The following DACH1 variants were observed in gnomAD, a reference collection of about 807,000 sequenced individuals.
DACH1 encodes the protein dachshund homolog 1.
Under a neutral mutation model 54.2 loss-of-function variants are expected in DACH1, and 12 were observed. That is an observed-to-expected ratio of 0.22 (90% confidence interval 0.14 to 0.36). The LOEUF is 0.36. DACH1 is among the 10% of genes least tolerant of loss of function. DACH1 has a pLI of 1.00. For missense variants in DACH1, 805 were observed against 929.8 expected (o/e 0.87, Z 1.75); for synonymous variants, 386 against 366.2 (o/e 1.05, Z -0.62).
chr13:71,445,936 T>C (rs1745282773), intron 10 of DACH1, among the ~76,000 whole-genome samples: 1 of 152,146 alleles, frequency 6.6e-6, no homozygotes, highest in Non-Finnish European at 1.5e-5. Context: ...GGATATATGG[T>C]CCTATAATTC....
Position 71,651,378 on chromosome 13 carries a change from AAAAG to A in DACH1, c.965-20665_965-20662del, listed in dbSNP as rs750027960. 4.8e-3 allele frequency among the ~76,000 whole-genome samples: 727 copies of A among 152,004 alleles called. 4 individuals carry two copies. Among genetic ancestry groups the A allele is most frequent in the Non-Finnish European group, 7.9e-3 (540 of 67,966 alleles). On this transcript the variant is annotated intron_variant, in intron 2 of 10. Coordinates refer to ENST00000613252, the MANE Select transcript of DACH1 (RefSeq NM_080759.6). Reference sequence around the variant, plus strand: ...GTGAGACCCTGTCTCACAAAAAAAAAAAAGAAAGAAAGAAAGAAAAGAAAAGAGA... The same window carrying A: ...GTGAGACCCTGTCTCACAAAAAAAAAAAAGAAAGAAAGAAAAGAAAAGAGA...
At chr13:71,844,187 G>A (rs10492536) in intron 1 of DACH1, among the ~76,000 whole-genome samples, 9,637 of 152,184 alleles carry the variant, frequency 0.063, 339 homozygotes, top group East Asian at 0.11. Flanking sequence ...AGTGATTCTG[G>A]TATGCTTAAA....
chr13:71,589,602 G>A (rs1219528217), intron 3 of DACH1, among the ~76,000 whole-genome samples: 2 of 151,742 alleles, frequency 1.3e-5, no homozygotes, highest in Non-Finnish European at 2.9e-5. Context: ...ATGTGAACAT[G>A]GTTACACAAC....
chr13:71,747,129 T>C (rs1884632906), intron 1 of DACH1, among the ~76,000 whole-genome samples: 1 of 152,174 alleles, frequency 6.6e-6, no homozygotes, highest in Non-Finnish European at 1.5e-5. Flanking sequence ...ATCTATTTTC[T>C]GCAAAGGAAC....
At chr13:71,501,104 T>C (rs917418161) in intron 6 of DACH1, among the ~76,000 whole-genome samples, 6 of 152,178 alleles carry the variant, frequency 3.9e-5, no homozygotes, top group African/African-American at 1.4e-4. Context: ...ATCAAACCAA[T>C]GTATATCTCT....
chr13:71,625,905 T>C (rs886702762), intron 3 of DACH1, among the ~76,000 whole-genome samples: 3 of 151,948 alleles, frequency 2.0e-5, no homozygotes, highest in East Asian at 1.9e-4. Flanking sequence ...AGATTACATT[T>C]TGAATAGATA....
chr13:71,544,497 G>A (rs1271239879), intron 6 of DACH1, among the ~76,000 whole-genome samples: 1 of 152,028 alleles, frequency 6.6e-6, no homozygotes, highest in African/African-American at 2.4e-5. Context: ...TAAATTAATA[G>A]AGAAAATTGC....
intron 1 of DACH1, among the ~76,000 whole-genome samples, chr13:71,733,281 C>A (rs1370512521): frequency 6.6e-6 from 1 of 152,154 alleles, no homozygotes; most frequent in Non-Finnish European, 1.5e-5. Context: ...CCCACCTCTG[C>A]CTCTTGAGTA....
intron 1 of DACH1, among the ~76,000 whole-genome samples, chr13:71,706,232 A>G (rs900977356): frequency 4.4e-4 from 67 of 151,776 alleles, no homozygotes; most frequent in Middle Eastern, 3.4e-3. Context: ...GGACAACAAA[A>G]GGGATAAAAA....
intron 2 of DACH1, among the ~76,000 whole-genome samples, chr13:71,673,492 G>A (rs959797994): frequency 2.6e-5 from 4 of 151,636 alleles, no homozygotes; most frequent in African/African-American, 4.8e-5. Context: ...AATCTTAAAG[G>A]ATTATATAAT....
intron 1 of DACH1, among the ~76,000 whole-genome samples, chr13:71,802,850 T>G (rs548758654): frequency 6.6e-6 from 1 of 152,232 alleles, no homozygotes; most frequent in Non-Finnish European, 1.5e-5. Context: ...CATACACATC[T>G]ACAAACCAAG....
At chr13:71,774,210 A>C (rs1885974998) in intron 1 of DACH1, among the ~76,000 whole-genome samples, 1 of 152,176 alleles carries the variant, frequency 6.6e-6, no homozygotes, top group Non-Finnish European at 1.5e-5. Flanking sequence ...ATACACCTAA[A>C]GTTCCACTGA....
At chr13:71,548,692 G>C (rs1883613383) in intron 6 of DACH1, among the ~76,000 whole-genome samples, 1 of 152,038 alleles carries the variant, frequency 6.6e-6, no homozygotes, top group Non-Finnish European at 1.5e-5. Context: ...TGAGGTGGGT[G>C]GATTGCCTGA....
At chr13:71,450,159 GAC>G (rs2138114004) in intron 10 of DACH1, among the ~76,000 whole-genome samples, 1 of 143,692 alleles carries the variant, frequency 7.0e-6, no homozygotes, top group South Asian at 2.3e-4. Flanking sequence ...TTTATTGTGG[GAC>G]ACAGATACTT....
chr13:71,665,956 G>A (rs891614245), intron 2 of DACH1, among the ~76,000 whole-genome samples: 4 of 151,944 alleles, frequency 2.6e-5, no homozygotes, highest in Admixed American at 2.6e-4. Flanking sequence ...AAATTGACAC[G>A]AGAAATAAAT....
chr13:71,543,335 G>A (rs575572499), intron 6 of DACH1, among the ~76,000 whole-genome samples: 78 of 152,116 alleles, frequency 5.1e-4, no homozygotes, highest in African/African-American at 1.6e-3. Context: ...AGTGTTTTTC[G>A]TAAAATCAAG....
At chr13:71,587,439 T>G (rs1873366936) in intron 3 of DACH1, among the ~76,000 whole-genome samples, 1 of 152,118 alleles carries the variant, frequency 6.6e-6, no homozygotes, top group South Asian at 2.1e-4. Flanking sequence ...AAACTAAAAT[T>G]CATGATATAG....
intron 1 of DACH1, among the ~76,000 whole-genome samples, chr13:71,691,803 T>C (rs1418334230): frequency 1.3e-5 from 2 of 152,174 alleles, no homozygotes; most frequent in Non-Finnish European, 2.9e-5. Context: ...AAGTAGCTCA[T>C]GGTCTATTTT....
At chr13:71,818,758 T>C (rs1888064383) in intron 1 of DACH1, among the ~76,000 whole-genome samples, 1 of 152,234 alleles carries the variant, frequency 6.6e-6, no homozygotes, top group Non-Finnish European at 1.5e-5. Context: ...CAGGCATTAG[T>C]TGAAAGTGGA....
Sources: allele counts gnomAD v4.1 joint callset (sites outside exome capture counted in the v4.1 genomes callset), GRCh38; gene constraint gnomAD v4.1.1; transcripts MANE v1.5; gene names NCBI Gene and HGNC (gene_info 2026-07-23, HGNC 2026-07-21).